Variants in SHANK2 observed in about 807,000 individuals in gnomAD.
SHANK2 encodes the protein SH3 and multiple ankyrin repeat domains 2.
In SHANK2, 43 loss-of-function variants were observed where a neutral mutation model predicts 133.7. That is an observed-to-expected ratio of 0.32 (90% CI 0.25 to 0.41). The LOEUF (loss-of-function observed/expected upper bound fraction) is 0.41, where lower values mean the gene tolerates loss of function less well. SHANK2 is among the 10% of genes least tolerant of loss of function. The pLI, the probability that SHANK2 is intolerant of heterozygous loss-of-function variation, is 1.00. For missense variants in SHANK2, 1,994 were observed against 2,235.8 expected, an observed-to-expected ratio of 0.89 and a Z score of 2.18; for synonymous variants, 1,017 against 952.8, an observed-to-expected ratio of 1.07 and a Z score of -1.24.
At chr11:71,080,392 T>C (rs1225384397) in intron 8 of SHANK2, among the ~76,000 whole-genome samples, 8 of 152,214 alleles carry the variant, frequency 5.3e-5, no homozygotes, top group South Asian at 4.2e-4. Flanking sequence ...GCTCCTTCCT[T>C]CAAGCCATTT....
chr11:71,138,311 A>G (rs559826551), intron 3 of SHANK2, among the ~76,000 whole-genome samples: 60 of 152,296 alleles, frequency 3.9e-4, no homozygotes, highest in African/African-American at 1.4e-3. Context: ...CAGGAGGGGA[A>G]GATAGGCTCA....
At chr11:70,539,012 A>G (rs1418605121) in intron 17 of SHANK2, among the ~76,000 whole-genome samples, 5 of 152,244 alleles carry the variant, frequency 3.3e-5, no homozygotes, top group African/African-American at 1.2e-4. Flanking sequence ...GGCTTGCAGA[A>G]CTACTCTGCC....
At chr11:70,934,982 G>A (rs1423252173) in intron 10 of SHANK2, among the ~76,000 whole-genome samples, 9 of 152,276 alleles carry the variant, frequency 5.9e-5, no homozygotes, top group African/African-American at 2.2e-4. Context: ...GGAGCTAGCC[G>A]CCCTGCTTCC....
intron 17 of SHANK2, among the ~76,000 whole-genome samples, chr11:70,578,936 C>A (rs542550348): frequency 6.6e-6 from 1 of 152,164 alleles, no homozygotes; most frequent in Non-Finnish European, 1.5e-5. Context: ...CCCCTTACAG[C>A]GCATTCCCAC....
At chr11:70,599,903 AAGAG>A (rs797030937) in intron 17 of SHANK2, among the ~76,000 whole-genome samples, 148 of 79,592 alleles carry the variant, frequency 1.9e-3, no homozygotes, top group African/African-American at 8.9e-3. Context: ...GAAAGAAAGA[AAGAG>A]AAAGAAAGAA....
At chr11:71,112,493 G>T (rs74797151) in intron 5 of SHANK2, among the ~76,000 whole-genome samples, 4,284 of 152,252 alleles carry the variant, frequency 0.028, 199 homozygotes, top group African/African-American at 0.098. Context: ...CCATTGGTGA[G>T]CTCGCAGCTG....
At chr11:70,589,739 C>T (rs2060297555) in intron 17 of SHANK2, among the ~76,000 whole-genome samples, 1 of 152,140 alleles carries the variant, frequency 6.6e-6, no homozygotes, top group African/African-American at 2.4e-5. Flanking sequence ...GGGAGGAGGC[C>T]AGTATGTCAA....
At chr11:71,192,780 G>A (rs1953817445) in intron 2 of SHANK2, among the ~76,000 whole-genome samples, 1 of 152,186 alleles carries the variant, frequency 6.6e-6, no homozygotes, top group Non-Finnish European at 1.5e-5. Context: ...TTCCTAGAGA[G>A]CTTATCAAGC....
chr11:70,935,274 T>C (rs980333940), intron 10 of SHANK2, among the ~76,000 whole-genome samples: 4 of 152,066 alleles, frequency 2.6e-5, no homozygotes, highest in African/African-American at 9.7e-5. Flanking sequence ...AGTTCTCAGA[T>C]GAAAAACACA....
chr11:70,913,184 T>C (rs1187216361), intron 10 of SHANK2, among the ~76,000 whole-genome samples: 1 of 151,976 alleles, frequency 6.6e-6, no homozygotes, highest in Non-Finnish European at 1.5e-5. Context: ...AAAAAGGCAT[T>C]CAATTTATAA....
intron 3 of SHANK2, among the ~76,000 whole-genome samples, chr11:71,135,747 T>A (rs12287456): frequency 0.097 from 14,793 of 152,012 alleles, 1,786 homozygotes; most frequent in African/African-American, 0.29. Context: ...TGAGCCACCG[T>A]GCCCAGCCGG....
intron 4 of SHANK2, among the ~76,000 whole-genome samples, chr11:71,118,100 C>T (rs1555100709): frequency 6.6e-6 from 1 of 152,106 alleles, no homozygotes; most frequent in Non-Finnish European, 1.5e-5. Flanking sequence ...TTTAAAACCC[C>T]TCAGAGAAGC....
intron 15 of SHANK2, chr11:70,698,302 C>A: frequency 3.9e-6 from 1 of 259,100 alleles, no homozygotes; most frequent in South Asian, 5.4e-5. Context: ...CCGAGGACCA[C>A]AGAGAAGGCA....
chr11:71,167,628 G>A (rs1319880912), intron 2 of SHANK2, among the ~76,000 whole-genome samples: 26 of 145,668 alleles, frequency 1.8e-4, no homozygotes, highest in African/African-American at 5.1e-4. Context: ...GGGAAGAGGC[G>A]CCCCTCACTT....
intron 2 of SHANK2, among the ~76,000 whole-genome samples, chr11:71,163,021 C>T (rs1394068611): frequency 1.8e-4 from 26 of 144,020 alleles, no homozygotes; most frequent in Non-Finnish European, 3.3e-4. Context: ...TGCAGTGAGC[C>T]GAGATCGCGC....
At chr11:71,155,140 C>A (rs566076650) in intron 2 of SHANK2, among the ~76,000 whole-genome samples, 5 of 91,460 alleles carry the variant, frequency 5.5e-5, no homozygotes, top group Non-Finnish European at 6.6e-5. Flanking sequence ...CCCCAGCCCA[C>A]GCTCCCGGAG....
At chr11:70,653,567 C>CAAAAAA (rs1157982312) in intron 17 of SHANK2, among the ~76,000 whole-genome samples, 5 of 61,786 alleles carry the variant, frequency 8.1e-5, no homozygotes, top group African/African-American at 1.1e-4. Context: ...CTCAGCCTTC[C>CAAAAAA]AAAAAAAAAA....
chr11:70,807,435 A>G lies in SHANK2; in HGVS notation c.1494-264T>C, dbSNP rs954954623. Among the ~76,000 whole-genome samples the G allele has an allele frequency of 6.6e-6, 1 of 152,328 alleles. No homozygotes were observed. The highest frequency in any genetic ancestry group is 6.5e-5 in the Admixed American group (1 of 15,304). On this transcript the variant is annotated intron_variant, in intron 12 of 25. Transcript: ENST00000601538. This position sits in a 1 kb window ranked among gnomAD's most constrained non-coding sequence, Gnocchi z 4.8. ...GGGAGACGTCTGCACACCTGCGTTC[A>G]CAGTGGCACCGTTCACAGCAGCCCA...
intron 2 of SHANK2, among the ~76,000 whole-genome samples, chr11:71,209,885 G>A (rs1954218141): frequency 6.6e-6 from 1 of 152,070 alleles, no homozygotes; most frequent in Non-Finnish European, 1.5e-5. Flanking sequence ...GGGACAGCAG[G>A]ACGTGTCCAT....
Sources: gnomAD v4.1 joint callset for allele counts (sites outside exome capture counted in the v4.1 genomes callset) on GRCh38, gnomAD v4.1.1 for gene constraint, Gnocchi (gnomAD v3.1) non-coding constraint, MANE v1.5 for transcripts, NCBI Gene and HGNC (gene_info 2026-07-23, HGNC 2026-07-21) for gene names.